The following KDM6B variants were observed in gnomAD, a reference collection of about 807,000 sequenced individuals.
The protein encoded by KDM6B is lysine demethylase 6B, also known as lysine-specific demethylase 6B.
A neutral mutation model predicts 150.4 loss-of-function variants in KDM6B; 22 were observed. The ratio of observed to expected loss-of-function variants is 0.15; its 90% CI spans 0.10 to 0.21. The LOEUF (loss-of-function observed/expected upper bound fraction) is 0.21. KDM6B is among the 10% of genes least tolerant of loss of function. KDM6B has a pLI of 1.00. For synonymous variants in KDM6B, 1,148 were observed against 921.1 expected, an observed-to-expected ratio of 1.25 and a Z score of -4.46; for missense variants, 1,984 against 2,234.3, an observed-to-expected ratio of 0.89 and a Z score of 2.26.
At chr17:7,847,040 C>A in intron 10 of KDM6B, 24 bp downstream of exon 10, 1 of 1,611,376 alleles carries the variant, frequency 6.2e-7, no homozygotes, top group Non-Finnish European at 8.5e-7. Context: ...TGTTGCCTTT[C>A]ACCTCTCACC....
rs201807594 is a variant in KDM6B at position 7,843,937 on chromosome 17, T to TGG, written c.-268-957_-268-956dup. On this transcript the variant is annotated intron_variant, in intron 2 of 23. Coordinates refer to ENST00000448097, the MANE Select transcript of KDM6B (RefSeq NM_001348716.2). This position sits in a 1 kb window ranked among gnomAD's most constrained non-coding sequence, Gnocchi z 4.5. ...TCCAGTCGGCACCAAAGCGAAAGGG[T>TGG]GGGGGGGGCGTGAAGGAGGAAGTGA... 5.6e-4 allele frequency among the ~76,000 whole-genome samples: 80 copies of TGG among 142,940 alleles called. 1 individual carries two copies. The South Asian group carries it at 0.014, about 26-fold the overall frequency. The allele number at this position is 142,940 out of a possible 152,430, so 93.8% of individuals were successfully genotyped here.
Position 7,849,366 on chromosome 17 carries a change from G to A in KDM6B, c.3078G>A (p.Glu1026=), listed in dbSNP as rs1278875620. The A allele has an allele frequency of 4.4e-6, 7 of 1,604,704 alleles. No individual in the cohort carries two copies. The highest frequency in any genetic ancestry group is 5.9e-6 in the Non-Finnish European group (7 of 1,176,590). Residue 1026 remains glutamate (E), a synonymous_variant, in exon 12 of 24, where the codon GAG becomes GAA. Transcript: ENST00000448097. ...TGGGGAACCTGGACCTGCAGAGCGA[G>A]GAGATCCAGGGTCGTGAGAAGTCCC... ...RVLGNLDLQS[E]EIQGREKSRP...
At chr17:7,838,075 G>A (rs1431461528) in intron 1 of KDM6B, among the ~76,000 whole-genome samples, 2 of 151,180 alleles carry the variant, frequency 1.3e-5, no homozygotes, top group African/African-American at 2.4e-5. Flanking sequence ...ATTGTATTAT[G>A]GTTCTTGATT....
chr17:7,851,837 G>A (rs2078702071), intron 18 of KDM6B, 41 bp downstream of exon 18: 1 of 1,562,260 alleles, frequency 6.4e-7, no homozygotes, highest in African/African-American at 1.4e-5. Flanking sequence ...GGAAGCGCGA[G>A]AGGAGGGGCT....
At chr17:7,835,401 G>A (rs1437701796) in intron 1 of KDM6B, among the ~76,000 whole-genome samples, 1 of 152,148 alleles carries the variant, frequency 6.6e-6, no homozygotes, top group Non-Finnish European at 1.5e-5. Flanking sequence ...AGAGCCCTGG[G>A]AGGAAGGCGG....
In KDM6B at chr17:7,849,888, A is replaced by G; in HGVS notation, c.3508A>G (p.Ile1170Val). The G allele has an allele frequency of 2.5e-6, 4 of 1,613,466 alleles. No homozygotes were observed. Among genetic ancestry groups the G allele is most frequent in the South Asian group, 1.1e-5 (1 of 91,076 alleles). Reference sequence around the variant, plus strand: ...CCCTGCCCAGTCTGTGAAACCGAAGATCAACACTGAGGAGAAGCTGCCCCG... The same window carrying G: ...CCCTGCCCAGTCTGTGAAACCGAAGGTCAACACTGAGGAGAAGCTGCCCCG... ...LSPAQSVKPK[I>V]NTEEKLPREK... Residue 1170 changes from isoleucine (I) to valine (V), a missense_variant, in exon 13 of 24, where the codon ATC (isoleucine) becomes GTC (valine). Physicochemically the swap from Ile to Val is conservative, Grantham distance 29. Transcript: ENST00000448097.
chr17:7,846,371 G>GGGCCGGGCCCGGGGCCCC, intron 7 of KDM6B, 29 bp from the exon 8 acceptor site: 1 of 1,488,920 alleles, frequency 6.7e-7, no homozygotes, highest in Non-Finnish European at 9.2e-7. Flanking sequence ...CCTGACATCT[G>GGGCCGGGCCCGGGGCCCC]CCCCTGCCCC....
chr17:7,836,771 T>C (rs1210840133), intron 1 of KDM6B, among the ~76,000 whole-genome samples: 1 of 152,224 alleles, frequency 6.6e-6, no homozygotes, highest in African/African-American at 2.4e-5. Flanking sequence ...CCAGAATTCC[T>C]AAGGGTGTTT....
intron 2 of KDM6B, among the ~76,000 whole-genome samples, chr17:7,842,424 C>T (rs1165475408): frequency 6.6e-6 from 1 of 152,180 alleles, no homozygotes; most frequent in Non-Finnish European, 1.5e-5. Flanking sequence ...TATCGATCTC[C>T]CAGCCTGGCT....
At chr17:7,850,263 C>G (rs187880918) in intron 14 of KDM6B, 86 bp downstream of exon 14, 2 of 1,115,180 alleles carry the variant, frequency 1.8e-6, no homozygotes, top group African/African-American at 3.1e-5. Context: ...CACTTGAAGA[C>G]TCATGACAGT....
Position 7,843,553 on chromosome 17 carries a change from G to A in KDM6B, c.-268-1348G>A, listed in dbSNP as rs2078461589. 6.6e-6 allele frequency among the ~76,000 whole-genome samples: 1 copy of A among 152,164 alleles called. No individual in the cohort carries two copies. Among genetic ancestry groups the A allele is most frequent in the South Asian group, 2.1e-4 (1 of 4,832 alleles). On this transcript the variant is annotated intron_variant, in intron 2 of 23. Transcript: ENST00000448097. This position sits in a 1 kb window ranked among gnomAD's most constrained non-coding sequence, Gnocchi z 4.5. The stretch of plus-strand genomic sequence containing the variant: ...TTTCACCAGAAACCCGTCTGCCCTT[G>A]TGGGCTGGGTGGAAATTTCCCCACA...
Position 7,843,295 on chromosome 17 carries a change from G to A in KDM6B, c.-268-1606G>A, listed in dbSNP as rs2078455475. 6.6e-6 allele frequency among the ~76,000 whole-genome samples: 1 copy of A among 152,172 alleles called. No individual in the cohort carries two copies. Among genetic ancestry groups the A allele is most frequent in the South Asian group, 2.1e-4 (1 of 4,830 alleles). ...TCGGTACTCGGGTGGGGGCAGTCAC[G>A]GAGGGCCATACTTGACCACAGTTCA... On this transcript the variant is annotated intron_variant, in intron 2 of 23. Coordinates refer to ENST00000448097, the MANE Select transcript of KDM6B (RefSeq NM_001348716.2). The surrounding 1 kb of genome is among the most constrained non-coding windows in gnomAD (Gnocchi z 4.5).
At chr17:7,839,100 T>C (rs1195489962) in intron 1 of KDM6B, among the ~76,000 whole-genome samples, 3 of 152,094 alleles carry the variant, frequency 2.0e-5, no homozygotes, top group South Asian at 2.1e-4. Context: ...GCAGAAAACA[T>C]AGGTCCCTGA....
intron 1 of KDM6B, among the ~76,000 whole-genome samples, chr17:7,835,109 A>G (rs769484536): frequency 2.0e-5 from 3 of 151,950 alleles, no homozygotes; most frequent in Non-Finnish European, 4.4e-5. Context: ...AGGTAGGCTG[A>G]GGCCCCCACT....
At chr17:7,846,375 C>CCG in intron 7 of KDM6B, 25 bp from the exon 8 acceptor site, 3 of 1,161,298 alleles carry the variant, frequency 2.6e-6, no homozygotes, top group South Asian at 1.3e-5. Context: ...ACATCTGCCC[C>CCG]TGCCCCGTGT....
rs2078658469 is a variant in KDM6B at position 7,849,946 on chromosome 17, A to G, written c.3566A>G (p.Tyr1189Cys). ...EKLNPPTPSI[Y>C]LESKRDAFSP... is the part of the protein sequence containing the mutation. The stretch of plus-strand genomic sequence containing the variant: ...CTCAACCCCCCTACACCCAGCATCT[A>G]TGTATGTGTGCCACTTGGCCTCAGA... The change falls in exon 13 of 24, where the codon TAT becomes TGT. Residue 1189 changes from tyrosine to cysteine, a missense_variant and splice_region_variant. Coordinates refer to ENST00000448097, the MANE Select transcript of KDM6B (RefSeq NM_001348716.2). 6.2e-7 allele frequency: 1 copy of G among 1,613,424 alleles called. No homozygotes were observed. Among genetic ancestry groups the G allele is most frequent in the African/African-American group, 1.3e-5 (1 of 74,890 alleles).
chr17:7,852,869 G>GC (rs1371322277), intron 21 of KDM6B, 131 bp from the exon 22 acceptor site: 3 of 1,348,132 alleles, frequency 2.2e-6, no homozygotes, highest in Non-Finnish European at 3.2e-6. Flanking sequence ...GACAGAGGAT[G>GC]TGACCTAGAC....
Position 7,846,924 on chromosome 17 carries a change from C to T in KDM6B, c.817C>T (p.Pro273Ser). 1 of 1,575,984 alleles carries T rather than the reference C, an allele frequency of 6.3e-7. No individual in the cohort carries two copies. Among genetic ancestry groups the T allele is most frequent in the Non-Finnish European group, 8.6e-7 (1 of 1,158,974 alleles). The change falls in exon 10 of 24, where the codon CCA (proline) becomes TCA (serine). Residue 273 changes from proline (P) to serine (S), a missense_variant. This residue lies in a region of KDM6B where 1,379 missense variants were observed against 1,275.6 expected (regional missense o/e 1.08). Coordinates refer to ENST00000448097, the MANE Select transcript of KDM6B (RefSeq NM_001348716.2). ...CCTGCCTGGCCTGGCTACCAGCCCC[C>T]CATTTCAGCTAACCAAGCCAGGGCT... ...PPLPGLATSP[P>S]FQLTKPGLWS...
Position 7,846,248 on chromosome 17 carries a change from A to T in KDM6B, c.407A>T (p.Tyr136Phe). The stretch of plus-strand genomic sequence containing the variant: ...CGCTGCTACCACAGCGCCCTTCGAT[A>T]CGGAGGAAGCTTCGCTGAGCTGGGG... ...ATRCYHSALR[Y>F]GGSFAELGPR... Residue 136 changes from tyrosine (Y) to phenylalanine (F), a missense_variant, in exon 7 of 24, where the codon TAC becomes TTC. Transcript: ENST00000448097. 1 of 1,613,998 alleles carries T rather than the reference A, an allele frequency of 6.2e-7. No individual in the cohort carries two copies.
Sources: gnomAD v4.1 joint callset for allele counts (sites outside exome capture counted in the v4.1 genomes callset) on GRCh38, gnomAD v4.1.1 for gene constraint, gnomAD v4.1.1 regional missense constraint, Gnocchi (gnomAD v3.1) non-coding constraint, MANE v1.5 for transcripts, NCBI Gene and HGNC (gene_info 2026-07-23, HGNC 2026-07-21) for gene names.